The following ACSM4 variants were observed in gnomAD, a reference collection of about 807,000 sequenced individuals.
The protein encoded by ACSM4 is acyl-coenzyme A synthetase ACSM4, mitochondrial.
A neutral mutation model predicts 73.0 loss-of-function variants in ACSM4; 66 were observed. The observed-to-expected ratio is 0.90, with a 90% CI of 0.74 to 1.11. ACSM4 has a LOEUF of 1.11. ACSM4 is among the 50% of genes least tolerant of loss of function. ACSM4 has a pLI of 0.00. For missense variants in ACSM4, 645 were observed against 714.4 expected (o/e 0.90, Z 1.11); for synonymous variants, 222 against 254.0 (o/e 0.87, Z 1.20).
intron 6 of ACSM4, among the ~76,000 whole-genome samples, chr12:7,321,724 G>A (rs374677562): frequency 6.6e-6 from 1 of 152,230 alleles, no homozygotes; most frequent in Non-Finnish European, 1.5e-5. Flanking sequence ...AGTAAGGCTA[G>A]TGGTTAAAAG....
Position 7,324,394 on chromosome 12 carries a change from C to A in ACSM4, c.1430C>A (p.Ser477Tyr), listed in dbSNP as rs1447218459. ...GGCAGAGCTGATGATGTCATTATAT[C>A]CTCTGGGTTTGTATATTTGCCACTC... ...FVGRADDVII[S>Y]SGYRIGPFEV... The change falls in exon 10 of 13, where the codon TCC (serine) becomes TAC (tyrosine). Residue 477 changes from serine to tyrosine, a missense_variant. By Grantham distance (144) the Ser-to-Tyr change is moderately radical. Coordinates refer to ENST00000399422, the MANE Select transcript of ACSM4 (RefSeq NM_001080454.2). 6.2e-7 allele frequency: 1 copy of A among 1,613,998 alleles called. No homozygotes were observed. Among genetic ancestry groups the A allele is most frequent in the South Asian group, 1.1e-5 (1 of 91,072 alleles).
chr12:7,322,633 G>A (rs1946472918), intron 7 of ACSM4, 92 bp downstream of exon 7: 2 of 1,465,776 alleles, frequency 1.4e-6, no homozygotes, highest in South Asian at 1.4e-5. Context: ...CCATCCCACT[G>A]TAAATTTTTA....
rs765596612 is a variant in ACSM4, at chr12:7,327,050, G to A, written c.1611G>A (p.Gln537=). 1.2e-6 allele frequency: 2 copies of A among 1,611,724 alleles called. No homozygotes were observed. Among genetic ancestry groups the A allele is most frequent in the Admixed American group, 3.3e-5 (2 of 59,778 alleles). The change falls in exon 12 of 13, where the codon CAG becomes CAA. Residue 537 remains glutamine, a synonymous_variant. Coordinates refer to ENST00000399422, the MANE Select transcript of ACSM4 (RefSeq NM_001080454.2). ...CAGAGAAATTAACTCTTGAACTTCAGGATCATGTGAAAAAATCAACTGCAC... is the reference window on the plus strand; with the variant it reads ...CAGAGAAATTAACTCTTGAACTTCAAGATCATGTGAAAAAATCAACTGCAC... ...YNPEKLTLEL[Q]DHVKKSTAPY... is the part of the protein sequence containing the mutation.
intron 11 of ACSM4, among the ~76,000 whole-genome samples, chr12:7,326,367 G>A (rs575659857): frequency 3.9e-5 from 6 of 152,118 alleles, no homozygotes; most frequent in Non-Finnish European, 7.4e-5. Flanking sequence ...ACTGCACCCT[G>A]GTTAATTTTC....
chr12:7,323,175 T>C, intron 7 of ACSM4, 59 bp from the exon 8 acceptor site: 2 of 1,443,836 alleles, frequency 1.4e-6, no homozygotes, highest in South Asian at 1.3e-5. Context: ...TTCATTGCCA[T>C]GATATAGTTT....
intron 2 of ACSM4, among the ~76,000 whole-genome samples, chr12:7,310,088 G>A (rs7311869): frequency 0.42 from 64,422 of 152,082 alleles, 14,817 homozygotes; most frequent in Non-Finnish European, 0.52. Flanking sequence ...CGCCTGGCAG[G>A]AGACCATTGG....
intron 2 of ACSM4, among the ~76,000 whole-genome samples, chr12:7,307,940 T>C (rs1946370523): frequency 6.6e-6 from 1 of 152,176 alleles, no homozygotes; most frequent in South Asian, 2.1e-4. Flanking sequence ...GGATAGAATA[T>C]GGTAAAAATC....
At chr12:7,320,398 C>T (rs960780754) in intron 5 of ACSM4, among the ~76,000 whole-genome samples, 2 of 152,172 alleles carry the variant, frequency 1.3e-5, no homozygotes, top group South Asian at 4.1e-4. Flanking sequence ...TACAAGATTA[C>T]ACTATAAGAG....
intron 3 of ACSM4, among the ~76,000 whole-genome samples, chr12:7,315,677 T>A (rs895626708): frequency 6.6e-6 from 1 of 152,148 alleles, no homozygotes; most frequent in Non-Finnish European, 1.5e-5. Context: ...TCAGATACTG[T>A]ACCGGTTATT....
rs369548341 is a variant in ACSM4, at chr12:7,317,276, G to A, written c.760G>A (p.Gly254Arg). 1.3e-5 allele frequency: 20 copies of A among 1,554,040 alleles called. No homozygotes were observed. Among genetic ancestry groups the A allele is most frequent in the African/African-American group, 1.2e-4 (9 of 73,108 alleles). Residue 254 changes from glycine to arginine, a missense_variant, in exon 4 of 13, where the codon GGA becomes AGA. Physicochemically the swap from Gly to Arg is moderately radical, Grantham distance 125. Transcript: ENST00000399422. Reference protein sequence around the residue: ...SSLGIGFTLCGRYWLDLKSSD... With the variant: ...SSLGIGFTLCRRYWLDLKSSD... Reference sequence around the variant, plus strand: ...CCTCGGCATTGGGTTCACCCTCTGCGGAAGGTAGGGAAGAAAATTCAGTTT... The same window carrying A: ...CCTCGGCATTGGGTTCACCCTCTGCAGAAGGTAGGGAAGAAAATTCAGTTT...
chr12:7,322,383 C>T (rs1181955191), intron 6 of ACSM4, 35 bp from the exon 7 acceptor site: 1 of 1,612,440 alleles, frequency 6.2e-7, no homozygotes, highest in Admixed American at 1.7e-5. Context: ...ACTCAGGTTC[C>T]TCTTGAAAAG....
At position 7,318,092 on chromosome 12, in the gene ACSM4, C is replaced by T. The variant is rs75387546; in HGVS notation, c.831C>T (p.Ala277=). The change falls in exon 5 of 13, where the codon GCC becomes GCT. Residue 277 remains alanine, a synonymous_variant. Transcript: ENST00000399422. ...WNMSDTGWVK[A]AIGSVFSSWL... is the part of the protein sequence containing the mutation. ...TGTCTGACACGGGCTGGGTCAAGGC[C>T]GCCATTGGCAGTGTGTTTTCTTCCT... The T allele has an allele frequency of 6.1e-4, 977 of 1,613,784 alleles. 6 individuals carry two copies. The African/African-American group carries it at 8.9e-3, about 15-fold the overall frequency.
chr12:7,313,609 G>A (rs1478819820), intron 3 of ACSM4, among the ~76,000 whole-genome samples: 1 of 152,182 alleles, frequency 6.6e-6, no homozygotes, highest in Non-Finnish European at 1.5e-5. Context: ...TTATAAGCCA[G>A]ACTGATATTT....
In ACSM4 at chr12:7,324,216, C is replaced by T; in HGVS notation, c.1309-57C>T. Reference sequence around the variant, plus strand: ...TAATGTACTAGTCACTTAATGAGTGCCATACCCATCTCTGTTCTGACCAGA... The same window carrying T: ...TAATGTACTAGTCACTTAATGAGTGTCATACCCATCTCTGTTCTGACCAGA... On this transcript the variant is annotated intron_variant, in intron 9 of 12. Coordinates refer to ENST00000399422, the MANE Select transcript of ACSM4 (RefSeq NM_001080454.2). 2.5e-6 allele frequency: 4 copies of T among 1,592,288 alleles called. 1 individual carries two copies. Among genetic ancestry groups the T allele is most frequent in the South Asian group, 2.3e-5 (2 of 87,910 alleles).
At chr12:7,321,712 C>A (rs1946465082) in intron 6 of ACSM4, among the ~76,000 whole-genome samples, 1 of 152,178 alleles carries the variant, frequency 6.6e-6, no homozygotes, top group Non-Finnish European at 1.5e-5. Flanking sequence ...TCACCTGTGT[C>A]CAGTAAGGCT....
intron 3 of ACSM4, among the ~76,000 whole-genome samples, chr12:7,315,622 AAAAT>A (rs1183861492): frequency 1.3e-5 from 2 of 152,130 alleles, no homozygotes; most frequent in African/African-American, 4.8e-5. Flanking sequence ...AAAAAATAAA[AAAAT>A]AAATAAAAAT....
intron 2 of ACSM4, among the ~76,000 whole-genome samples, chr12:7,307,738 G>A (rs1359875271): frequency 6.6e-6 from 1 of 152,198 alleles, no homozygotes; most frequent in Non-Finnish European, 1.5e-5. Context: ...ATACAGCCAT[G>A]CTCATTTATT....
chr12:7,314,359 A>C (rs912416757), intron 3 of ACSM4, among the ~76,000 whole-genome samples: 1 of 152,224 alleles, frequency 6.6e-6, no homozygotes, highest in African/African-American at 2.4e-5. Context: ...CAAAGCAAGA[A>C]GTTATTAGTA....
At chr12:7,327,516 A>T (rs893237393) in intron 12 of ACSM4, among the ~76,000 whole-genome samples, 5 of 152,198 alleles carry the variant, frequency 3.3e-5, no homozygotes, top group Admixed American at 2.0e-4. Context: ...GAAGAAGATG[A>T]TATCCAAAGA....
Sources: allele counts gnomAD v4.1 joint callset (sites outside exome capture counted in the v4.1 genomes callset), GRCh38; gene constraint gnomAD v4.1.1; transcripts MANE v1.5; gene names NCBI Gene and HGNC (gene_info 2026-07-23, HGNC 2026-07-21).